CNOT6L: variants seen among roughly 807,000 people sequenced by gnomAD.
CNOT6L encodes CCR4-NOT transcription complex subunit 6-like.
A neutral mutation model predicts 64.0 loss-of-function variants in CNOT6L; 7 were observed. The observed-to-expected ratio is 0.11, with a 90% CI of 0.06 to 0.21. The LOEUF is 0.21. Ranked by LOEUF, CNOT6L falls within the 10% of genes least tolerant of loss-of-function variation. The probability of loss-of-function intolerance (pLI) is 1.00; values close to 1 mark genes in which losing one functional copy is unlikely to be tolerated. For synonymous variants in CNOT6L, 193 were observed against 243.4 expected (o/e 0.79, Z 1.93); for missense variants, 245 against 669.0 (o/e 0.37, Z 6.99).
Position 77,741,422 on chromosome 4 carries a change from T to A in CNOT6L, c.872+719A>T, listed in dbSNP as rs534453349. On this transcript the variant is annotated intron_variant, in intron 8 of 11. Coordinates refer to ENST00000504123, the MANE Select transcript of CNOT6L (RefSeq NM_144571.3). ...TCCTGTAAGATGATTTCCTAACGTA[T>A]GAAATCCAAACTATTAACCATGGGA... Among the ~76,000 whole-genome samples, 23 of 152,304 alleles carry A rather than the reference T, an allele frequency of 1.5e-4. No homozygotes were observed. The South Asian group carries it at 4.6e-3, about 30-fold the overall frequency.
At chr4:77,755,145 A>G (rs1394865622) in intron 5 of CNOT6L, among the ~76,000 whole-genome samples, 1 of 151,284 alleles carries the variant, frequency 6.6e-6, no homozygotes, top group Non-Finnish European at 1.5e-5. Context: ...TCTAAAACAT[A>G]CAAGAACTCC....
intron 1 of CNOT6L, among the ~76,000 whole-genome samples, chr4:77,798,731 T>C (rs991664484): frequency 1.3e-5 from 2 of 151,912 alleles, no homozygotes; most frequent in Non-Finnish European, 2.9e-5. Context: ...ACACGTATAA[T>C]TGCAACACTT....
chr4:77,805,646 CAGTATT>C (rs968730832), intron 1 of CNOT6L, among the ~76,000 whole-genome samples: 2 of 152,142 alleles, frequency 1.3e-5, no homozygotes, highest in African/African-American at 4.8e-5. Context: ...CGTTACTTAA[CAGTATT>C]AGTAGAGAAG....
intron 4 of CNOT6L, among the ~76,000 whole-genome samples, chr4:77,770,336 A>T (rs1341926157): frequency 2.0e-5 from 3 of 152,202 alleles, no homozygotes; most frequent in Admixed American, 1.3e-4. Flanking sequence ...TGCTATTTCA[A>T]ATGTTCCATT....
At chr4:77,768,768 A>G (rs555357844) in intron 4 of CNOT6L, among the ~76,000 whole-genome samples, 2 of 150,880 alleles carry the variant, frequency 1.3e-5, no homozygotes, top group East Asian at 2.0e-4. Context: ...CTCATACTCA[A>G]TAACTGACAA....
intron 1 of CNOT6L, among the ~76,000 whole-genome samples, chr4:77,796,994 G>A (rs888576946): frequency 1.4e-5 from 2 of 147,858 alleles, no homozygotes; most frequent in African/African-American, 5.0e-5. Context: ...GGGATGAGAG[G>A]ATCACTTGAG....
At chr4:77,742,567 T>TTACAG (rs1439930899) in intron 7 of CNOT6L, 4 of 440,838 alleles carry the variant, frequency 9.1e-6, no homozygotes, top group Non-Finnish European at 1.7e-5. Context: ...GATTCCCAAT[T>TTACAG]TACAGTTCAC....
In CNOT6L at chr4:77,787,899, C is replaced by T. The variant is rs535665413; in HGVS notation, c.6-11507G>A. On this transcript the variant is annotated intron_variant, in intron 1 of 11. Coordinates refer to ENST00000504123, the MANE Select transcript of CNOT6L (RefSeq NM_144571.3). The stretch of plus-strand genomic sequence containing the variant: ...GGTTTAGAAGCTTGCTGGCAAGCAG[C>T]AGAACTGGAATTCTAATCCAATTCC... Among the ~76,000 whole-genome samples the T allele has an allele frequency of 3.3e-5, 5 of 152,292 alleles. No homozygotes were observed. In the South Asian group the frequency reaches 1.0e-3, roughly 32 times the overall value.
rs1320678051 is a variant in CNOT6L at position 77,713,866 on chromosome 4, C to T, written c.*6565G>A. The stretch of plus-strand genomic sequence containing the variant: ...AGAGAGTGTTAAATGGTTAAAACAC[C>T]TACAGAACCAGTCTATTAAACATTA... On this transcript the variant is annotated 3_prime_UTR_variant, in exon 12 of 12. Transcript: ENST00000504123. 6.6e-6 allele frequency: 1 copy of T among 152,464 alleles called. No homozygotes were observed. The highest frequency in any genetic ancestry group is 1.5e-5 in the Non-Finnish European group (1 of 68,006). 9.4% of individuals were successfully genotyped at this position (152,464 alleles called of 1,614,324 possible).
chr4:77,761,234 A>G (rs561232984), intron 4 of CNOT6L, among the ~76,000 whole-genome samples: 1 of 152,104 alleles, frequency 6.6e-6, no homozygotes, highest in African/African-American at 2.4e-5. Flanking sequence ...ACAAAACAAA[A>G]AAGTTGTCAG....
At chr4:77,750,360 T>C (rs1019489438) in intron 5 of CNOT6L, among the ~76,000 whole-genome samples, 29 of 151,484 alleles carry the variant, frequency 1.9e-4, no homozygotes, top group African/African-American at 6.8e-4. Context: ...TAAAGTCAGT[T>C]TGTTTTTTTT....
chr4:77,739,344 T>C (rs1723329512), intron 8 of CNOT6L, among the ~76,000 whole-genome samples: 1 of 152,212 alleles, frequency 6.6e-6, no homozygotes, highest in South Asian at 2.1e-4. Context: ...GTTATCTTTG[T>C]TAGTTTTGTA....
chr4:77,792,340 A>T (rs1730253927), intron 1 of CNOT6L, among the ~76,000 whole-genome samples: 1 of 152,000 alleles, frequency 6.6e-6, no homozygotes, highest in Admixed American at 6.6e-5. Context: ...TCAGCAAATT[A>T]AAAAAAATAC....
intron 1 of CNOT6L, among the ~76,000 whole-genome samples, chr4:77,818,560 C>T (rs1009202632): frequency 2.0e-5 from 3 of 152,228 alleles, no homozygotes; most frequent in Non-Finnish European, 4.4e-5. Context: ...AACACGACAC[C>T]GCGTATTCCC....
chr4:77,795,019 T>C (rs1730654757), intron 1 of CNOT6L, among the ~76,000 whole-genome samples: 1 of 122,028 alleles, frequency 8.2e-6, no homozygotes, highest in Non-Finnish European at 1.8e-5. Context: ...AAAGAAATTT[T>C]TCTTTTTTTT....
intron 8 of CNOT6L, among the ~76,000 whole-genome samples, chr4:77,734,928 A>G (rs1157519333): frequency 6.6e-6 from 1 of 152,140 alleles, no homozygotes; most frequent in Admixed American, 6.6e-5. Flanking sequence ...AATGAAAGCT[A>G]CCATTATTGA....
At chr4:77,761,064 T>C (rs554990954) in intron 4 of CNOT6L, among the ~76,000 whole-genome samples, 8 of 151,800 alleles carry the variant, frequency 5.3e-5, no homozygotes, top group East Asian at 1.9e-4. Flanking sequence ...TTTAACAACT[T>C]AGAAGAAATG....
At chr4:77,774,426 GA>G (rs1335108477) in intron 3 of CNOT6L, 103 bp downstream of exon 3, 2 of 887,168 alleles carry the variant, frequency 2.3e-6, no homozygotes, top group Non-Finnish European at 3.4e-6. Context: ...TATATAATTT[GA>G]TAGTTACAAC....
intron 4 of CNOT6L, among the ~76,000 whole-genome samples, chr4:77,771,255 G>A (rs1484361808): frequency 1.3e-5 from 2 of 152,140 alleles, no homozygotes; most frequent in South Asian, 2.1e-4. Context: ...GGAGGTTGCC[G>A]GGAGGCGGTG....
Sources: allele counts gnomAD v4.1 joint callset (sites outside exome capture counted in the v4.1 genomes callset), GRCh38; gene constraint gnomAD v4.1.1; transcripts MANE v1.5; gene names NCBI Gene and HGNC (gene_info 2026-07-23, HGNC 2026-07-21).